Variants in METTL21C observed in about 807,000 individuals in gnomAD.
METTL21C encodes protein-lysine methyltransferase METTL21C.
Under a neutral mutation model 25.9 loss-of-function variants are expected in METTL21C, and 21 were observed. The ratio of observed to expected loss-of-function variants is 0.81; its 90% CI spans 0.58 to 1.17. METTL21C has a LOEUF of 1.17. Among genes scored for constraint, METTL21C ranks in the 50% most tolerant of loss-of-function variants. The pLI, the probability that METTL21C is intolerant of heterozygous loss-of-function variation, is 0.00. For synonymous variants in METTL21C, 125 were observed against 124.7 expected (o/e 1.00, Z -0.01); for missense variants, 312 against 315.1 (o/e 0.99, Z 0.07).
intron 2 of METTL21C, 93 bp downstream of exon 2, chr13:102,690,720 T>C: frequency 6.9e-7 from 1 of 1,439,714 alleles, no homozygotes; most frequent in Non-Finnish European, 9.4e-7. Context: ...AAGCAGGATA[T>C]GAAGGAACTT....
At chr13:102,689,789 G>C in intron 2 of METTL21C, among the ~76,000 whole-genome samples, 1 of 152,204 alleles carries the variant, frequency 6.6e-6, no homozygotes, top group East Asian at 1.9e-4. Context: ...CTGAAAGGTG[G>C]AAAGAATATT....
At chr13:102,700,559 G>A in the METTL21C span, among the ~76,000 whole-genome samples, 1 of 152,212 alleles carries the variant, frequency 6.6e-6, no homozygotes, top group South Asian at 2.1e-4. Context: ...ATTACACGGA[G>A]GAACGCTGTG....
At chr13:102,687,176 T>A in intron 2 of METTL21C, 119 bp from the exon 3 acceptor site, 1 of 736,242 alleles carries the variant, frequency 1.4e-6, no homozygotes, top group South Asian at 1.7e-5. Context: ...TCAGTTTATA[T>A]TCATAAGAAC....
At chr13:102,697,548 T>C (rs544125919), upstream of METTL21C, among the ~76,000 whole-genome samples, 1 of 152,268 alleles carries the variant, frequency 6.6e-6, no homozygotes, top group East Asian at 1.9e-4. Context: ...GTCTACTGAC[T>C]GAGTGATGTC....
At chr13:102,699,995 C>A (rs1886007679), upstream of METTL21C, among the ~76,000 whole-genome samples, 3 of 152,180 alleles carry the variant, frequency 2.0e-5, no homozygotes, top group Admixed American at 2.0e-4. Context: ...TATACCCACT[C>A]AGGTACAGTG....
At chr13:102,687,866 GTTCTC>G (rs1177336162) in intron 2 of METTL21C, among the ~76,000 whole-genome samples, 1 of 151,912 alleles carries the variant, frequency 6.6e-6, no homozygotes, top group Non-Finnish European at 1.5e-5. Context: ...TTCTTTATTC[GTTCTC>G]TTCTCCCTCC....
upstream of METTL21C, among the ~76,000 whole-genome samples, chr13:102,695,809 A>G (rs1352596162): frequency 6.6e-6 from 1 of 152,248 alleles, no homozygotes; most frequent in Non-Finnish European, 1.5e-5. Flanking sequence ...CATCTCTGCA[A>G]CTTATTTCTT....
At chr13:102,704,157 A>C in the METTL21C span, among the ~76,000 whole-genome samples, 23 of 152,350 alleles carry the variant, frequency 1.5e-4, no homozygotes, top group African/African-American at 5.5e-4. Flanking sequence ...CAAAAGCTTA[A>C]TTTTTAACGT....
In METTL21C at chr13:102,690,852, C is replaced by A. The variant is rs773259730; in HGVS notation, c.243G>T (p.Gln81His). 6.2e-7 allele frequency: 1 copy of A among 1,614,050 alleles called. No homozygotes were observed. Among genetic ancestry groups the A allele is most frequent in the Non-Finnish European group, 8.5e-7 (1 of 1,180,042 alleles). The change falls in exon 2 of 4, where the codon CAG (glutamine) becomes CAT (histidine). Residue 81 changes from glutamine to histidine, a missense_variant. Physicochemically the swap from Gln to His is conservative, Grantham distance 24. Coordinates refer to ENST00000267273, the MANE Select transcript of METTL21C (RefSeq NM_001010977.3). The stretch of plus-strand genomic sequence containing the variant: ...CCGCTCCGTAACTCTCTATGGATTC[C>A]TGGATGACAATCTCCTTTCCTGCAA... ...YRFAGKEIVI[Q>H]ESIESYGAVV... is the part of the protein sequence containing the mutation.
Position 102,694,626 on chromosome 13 carries a change from A to C in METTL21C, c.-128T>G. ...CATCGCATGTTCGTAATTAATACAG[A>C]ATTGGAAATGACTCCTTGTTAGTAT... On this transcript the variant is annotated 5_prime_UTR_variant, in exon 1 of 4. In the 5' UTR this introduces an upstream ATG that the reference lacks. Coordinates refer to ENST00000267273, the MANE Select transcript of METTL21C (RefSeq NM_001010977.3). The C allele has an allele frequency of 4.6e-6, 1 of 219,518 alleles. No homozygotes were observed. Among genetic ancestry groups the C allele is most frequent in the Non-Finnish European group, 7.1e-6 (1 of 140,100 alleles). The allele number at this position is 219,518 out of a possible 1,614,324, so 13.6% of individuals were successfully genotyped here.
intron 1 of METTL21C, among the ~76,000 whole-genome samples, chr13:102,691,768 C>T (rs1885835959): frequency 6.6e-6 from 1 of 152,228 alleles, no homozygotes; most frequent in African/African-American, 2.4e-5. Context: ...AGCCCCACAG[C>T]CCTGGGGGAG....
At chr13:102,693,934 C>T (rs1191165843) in intron 1 of METTL21C, among the ~76,000 whole-genome samples, 1 of 152,176 alleles carries the variant, frequency 6.6e-6, no homozygotes, top group Non-Finnish European at 1.5e-5. Flanking sequence ...ACAACTGAAT[C>T]CATGCCCAGA....
chr13:102,702,030 G>T, the METTL21C span, among the ~76,000 whole-genome samples: 1 of 152,002 alleles, frequency 6.6e-6, no homozygotes, highest in Admixed American at 6.5e-5. Flanking sequence ...CTGGTGTGGT[G>T]GCGGGTGCCT....
the METTL21C span, among the ~76,000 whole-genome samples, chr13:102,700,797 T>G: frequency 2.6e-5 from 4 of 152,192 alleles, no homozygotes; most frequent in East Asian, 7.8e-4. Flanking sequence ...ATGCCTCGGT[T>G]CCTGTTTTAC....
intron 3 of METTL21C, 146 bp downstream of exon 3, chr13:102,686,794 G>GT: frequency 4.6e-6 from 3 of 654,958 alleles, no homozygotes; most frequent in Non-Finnish European, 5.4e-6. Flanking sequence ...GATAACAGCA[G>GT]TAATTCCTGC....
chr13:102,693,297 C>A (rs1885874943), intron 1 of METTL21C, among the ~76,000 whole-genome samples: 2 of 152,248 alleles, frequency 1.3e-5, no homozygotes, highest in Admixed American at 1.3e-4. Context: ...AAGATTCTAA[C>A]TTAAATTTAA....
chr13:102,700,890 C>T, the METTL21C span, among the ~76,000 whole-genome samples: 4 of 151,968 alleles, frequency 2.6e-5, no homozygotes, highest in South Asian at 4.2e-4. Context: ...ATGCCTCCAA[C>T]GCTGTCCGTT....
intron 3 of METTL21C, 85 bp from the exon 4 acceptor site, chr13:102,686,510 G>T: frequency 4.8e-6 from 7 of 1,454,678 alleles, no homozygotes; most frequent in Non-Finnish European, 5.5e-6. Flanking sequence ...AGAAACAACT[G>T]GATTCCTTAG....
At chr13:102,698,704 C>A (rs77353948), upstream of METTL21C, among the ~76,000 whole-genome samples, 3,396 of 152,172 alleles carry the variant, frequency 0.022, 132 homozygotes, top group African/African-American at 0.078. Flanking sequence ...TCAGAACTCT[C>A]GGGGAGATGG....
Sources: allele counts gnomAD v4.1 joint callset (sites outside exome capture counted in the v4.1 genomes callset), GRCh38; gene constraint gnomAD v4.1.1; transcripts MANE v1.5; gene names NCBI Gene and HGNC (gene_info 2026-07-23, HGNC 2026-07-21).